The following INVS variants were observed in gnomAD, a reference collection of about 807,000 sequenced individuals.
INVS encodes the protein inversion of embryo turning homolog.
A neutral mutation model predicts 108.8 loss-of-function variants in INVS; 86 were observed. The observed-to-expected ratio is 0.79, with a 90% CI of 0.66 to 0.95. The LOEUF (loss-of-function observed/expected upper bound fraction) is 0.95. Ranked by LOEUF, INVS falls within the 40% of genes least tolerant of loss-of-function variation. INVS has a pLI of 0.00. For missense variants in INVS, 1,169 were observed against 1,297.4 expected, an observed-to-expected ratio of 0.90 and a Z score of 1.52; for synonymous variants, 455 against 473.5, an observed-to-expected ratio of 0.96 and a Z score of 0.51.
At chr9:100,188,635 CTTTTTT>C (rs11309021) in intron 3 of INVS, among the ~76,000 whole-genome samples, 1 of 128,270 alleles carries the variant, frequency 7.8e-6, no homozygotes, top group Admixed American at 7.8e-5. Context: ...TAGTTTCTTT[CTTTTTT>C]TTTTTTTTTT....
At chr9:100,297,826 T>C in intron 15 of INVS, 110 bp from the exon 16 acceptor site, 1 of 1,107,752 alleles carries the variant, frequency 9.0e-7, no homozygotes, top group South Asian at 1.3e-5. Context: ...CTAACTTATC[T>C]TGACACACAC....
Position 100,145,519 on chromosome 9 carries a change from G to GC in INVS, c.273+18975dup, listed in dbSNP as rs566179649. On this transcript the variant is annotated intron_variant, in intron 3 of 16. Transcript: ENST00000262457. ...GGAAATAAGGGATCAGGGGGTTCTT[G>GC]CCCCCTAGAAAAGTGGTACTTGCCA... is the stretch of plus-strand genomic sequence containing the variant. 6.8e-4 allele frequency among the ~76,000 whole-genome samples: 104 copies of GC among 151,954 alleles called. No individual in the cohort carries two copies. The Middle Eastern group carries it at 0.017, about 25-fold the overall frequency.
intron 2 of INVS, among the ~76,000 whole-genome samples, chr9:100,112,404 T>C (rs570265501): frequency 1.3e-5 from 2 of 152,274 alleles, no homozygotes; most frequent in South Asian, 2.1e-4. Flanking sequence ...AAAGAAACAA[T>C]GTATGTCAGG....
rs1833940832 is a variant in INVS, at chr9:100,300,687, G to A, written c.*13G>A. The A allele has an allele frequency of 1.3e-6, 2 of 1,573,958 alleles. No homozygotes were observed. The highest frequency in any genetic ancestry group is 1.7e-5 in the Admixed American group (1 of 59,930). Reference sequence around the variant, plus strand: ...AACAAAACCTTGACTGCCTATGGAGGAAGACTGTGTTCGGGGGAGCTGGCA... The same window carrying A: ...AACAAAACCTTGACTGCCTATGGAGAAAGACTGTGTTCGGGGGAGCTGGCA... On this transcript the variant is annotated 3_prime_UTR_variant, in exon 17 of 17. Coordinates refer to ENST00000262457, the MANE Select transcript of INVS (RefSeq NM_014425.5).
At chr9:100,118,739 C>A (rs1827631687) in intron 2 of INVS, among the ~76,000 whole-genome samples, 1 of 152,022 alleles carries the variant, frequency 6.6e-6, no homozygotes, top group Admixed American at 6.6e-5. Flanking sequence ...CGGCTCACTG[C>A]AACCTCTGCC....
At chr9:100,230,965 T>A (rs1831493448) in intron 5 of INVS, among the ~76,000 whole-genome samples, 2 of 152,246 alleles carry the variant, frequency 1.3e-5, no homozygotes, top group Admixed American at 1.3e-4. Context: ...TTACAAACAG[T>A]GCTGCATTGA....
At chr9:100,150,153 A>G (rs1448942353) in intron 3 of INVS, among the ~76,000 whole-genome samples, 1 of 152,190 alleles carries the variant, frequency 6.6e-6, no homozygotes, top group Non-Finnish European at 1.5e-5. Flanking sequence ...TTCTTTAAAT[A>G]CACTGTTTTT....
chr9:100,189,671 G>T (rs1157163923), intron 3 of INVS, among the ~76,000 whole-genome samples: 1 of 151,840 alleles, frequency 6.6e-6, no homozygotes, highest in African/African-American at 2.4e-5. Flanking sequence ...GACTTATTTT[G>T]TTGCCTATCA....
chr9:100,158,444 CATTT>C (rs1186726750), intron 3 of INVS, among the ~76,000 whole-genome samples: 3 of 152,140 alleles, frequency 2.0e-5, no homozygotes, highest in Non-Finnish European at 2.9e-5. Flanking sequence ...AGTCCCTGCT[CATTT>C]ATTTATTAGC....
At chr9:100,181,516 T>C (rs926630645) in intron 3 of INVS, among the ~76,000 whole-genome samples, 3 of 152,130 alleles carry the variant, frequency 2.0e-5, no homozygotes, top group African/African-American at 7.2e-5. Flanking sequence ...CTATTCACAA[T>C]TGCTACAAAG....
chr9:100,188,190 C>T (rs773445571), intron 3 of INVS, among the ~76,000 whole-genome samples: 7 of 152,056 alleles, frequency 4.6e-5, no homozygotes, highest in Admixed American at 2.6e-4. Context: ...GCTGATTGCT[C>T]TGGTTAGGAC....
intron 3 of INVS, among the ~76,000 whole-genome samples, chr9:100,199,413 T>A (rs945335227): frequency 6.6e-6 from 1 of 152,184 alleles, no homozygotes; most frequent in Admixed American, 6.5e-5. Flanking sequence ...TTTCATCTTA[T>A]TATTTTTATT....
chr9:100,181,508 A>G (rs10760720), intron 3 of INVS, among the ~76,000 whole-genome samples: 2 of 151,978 alleles, frequency 1.3e-5, no homozygotes, highest in South Asian at 4.1e-4. Context: ...GTGAACTCCT[A>G]TTCACAATTG....
chr9:100,300,454 C>T, intron 16 of INVS, 114 bp from the exon 17 acceptor site: 1 of 733,712 alleles, frequency 1.4e-6, no homozygotes, highest in South Asian at 1.5e-5. Context: ...TAAACTGGCC[C>T]ATCATCCCAG....
At chr9:100,223,214 C>A (rs1831204899) in intron 3 of INVS, among the ~76,000 whole-genome samples, 1 of 151,826 alleles carries the variant, frequency 6.6e-6, no homozygotes, top group Non-Finnish European at 1.5e-5. Context: ...CATGCCTCAC[C>A]CTCCCGAGTA....
intron 3 of INVS, among the ~76,000 whole-genome samples, chr9:100,126,922 A>G (rs1470475097): frequency 1.3e-5 from 2 of 152,240 alleles, no homozygotes; most frequent in Non-Finnish European, 2.9e-5. Context: ...GGGAATATAT[A>G]TGGAATTTTT....
intron 3 of INVS, among the ~76,000 whole-genome samples, chr9:100,186,442 A>T (rs1304904763): frequency 2.0e-5 from 3 of 151,978 alleles, no homozygotes; most frequent in Non-Finnish European, 4.4e-5. Context: ...TGAATGACCA[A>T]CCGAGCCCAG....
At chr9:100,139,508 T>TAA (rs1828351672) in intron 3 of INVS, among the ~76,000 whole-genome samples, 1 of 152,262 alleles carries the variant, frequency 6.6e-6, no homozygotes, top group Admixed American at 6.5e-5. Context: ...TCTAGAAATC[T>TAA]CTACCTGGAT....
At chr9:100,267,109 A>G (rs925018385) in intron 11 of INVS, among the ~76,000 whole-genome samples, 1 of 151,552 alleles carries the variant, frequency 6.6e-6, no homozygotes, top group Non-Finnish European at 1.5e-5. Flanking sequence ...TATTCTGTGT[A>G]ACAGCATTTA....
Sources: allele counts gnomAD v4.1 joint callset (sites outside exome capture counted in the v4.1 genomes callset), GRCh38; gene constraint gnomAD v4.1.1; transcripts MANE v1.5; gene names NCBI Gene and HGNC (gene_info 2026-07-23, HGNC 2026-07-21).